Variants in PTPRM observed in about 807,000 individuals in gnomAD.
The protein encoded by PTPRM is receptor-type tyrosine-protein phosphatase mu.
In PTPRM, 47 loss-of-function variants were observed where a neutral mutation model predicts 186.7. The observed-to-expected ratio is 0.25, with a 90% confidence interval of 0.20 to 0.32. The LOEUF is 0.32. Among genes scored for constraint, PTPRM ranks in the 10% least tolerant of loss-of-function variants. The probability of loss-of-function intolerance (pLI) is 1.00; values close to 1 mark genes in which losing one functional copy is unlikely to be tolerated. For synonymous variants in PTPRM, 668 were observed against 674.9 expected (o/e 0.99, Z 0.16); for missense variants, 1,494 against 1,865.0 (o/e 0.80, Z 3.66).
At chr18:8,353,886 C>T (rs1002385573) in intron 23 of PTPRM, among the ~76,000 whole-genome samples, 5 of 152,090 alleles carry the variant, frequency 3.3e-5, no homozygotes, top group Non-Finnish European at 5.9e-5. Flanking sequence ...AAAGACATGG[C>T]ACAAACTATG....
At chr18:8,221,440 AAC>A (rs1366582273) in intron 14 of PTPRM, among the ~76,000 whole-genome samples, 2 of 152,238 alleles carry the variant, frequency 1.3e-5, no homozygotes, top group African/African-American at 2.4e-5. Context: ...AATTAAATTT[AAC>A]AGAGTTTAAT....
In PTPRM at chr18:7,964,998, T is replaced by C. The variant is rs956291412; in HGVS notation, c.1132+9584T>C. Reference sequence around the variant, plus strand: ...GACATGATAAGTGTTTTTGACACTTTTAACTTTTTGGAGGGTTCTGCCCCC... The same window carrying C: ...GACATGATAAGTGTTTTTGACACTTCTAACTTTTTGGAGGGTTCTGCCCCC... On this transcript the variant is annotated intron_variant, in intron 7 of 32. Transcript: ENST00000580170. Among the ~76,000 whole-genome samples, 10 of 152,184 alleles carry C rather than the reference T, an allele frequency of 6.6e-5. No homozygotes were observed. In the East Asian group the frequency reaches 1.2e-3, roughly 18 times the overall value.
rs146377761 is a variant in PTPRM, at chr18:8,078,376, T to C, written c.1551+1812T>C. On this transcript the variant is annotated intron_variant, in intron 9 of 32. Coordinates refer to ENST00000580170, the MANE Select transcript of PTPRM (RefSeq NM_001105244.2). Reference sequence around the variant, plus strand: ...AGTACCTCTCTGGAGAATCACAGACTTCTGAGACAAAATCACGCTAAGGAA... The same window carrying C: ...AGTACCTCTCTGGAGAATCACAGACCTCTGAGACAAAATCACGCTAAGGAA... 3.6e-3 allele frequency among the ~76,000 whole-genome samples: 550 copies of C among 152,308 alleles called. 1 individual carries two copies. The highest frequency in any genetic ancestry group is 0.012 in the African/African-American group (515 of 41,572).
Position 7,659,117 on chromosome 18 carries a change from TACACACACAC to T in PTPRM, c.73+91256_73+91265del, listed in dbSNP as rs10541547. The stretch of plus-strand genomic sequence containing the variant: ...GCAGGTATACACATGCACATGTATG[TACACACACAC>T]ACACACACACACACACACACACACA... On this transcript the variant is annotated intron_variant, in intron 1 of 32. Coordinates refer to ENST00000580170, the MANE Select transcript of PTPRM (RefSeq NM_001105244.2). Among the ~76,000 whole-genome samples, 245 of 144,016 alleles carry T rather than the reference TACACACACAC, an allele frequency of 1.7e-3. 1 individual carries two copies. The highest frequency in any genetic ancestry group is 5.7e-3 in the African/African-American group (221 of 39,008). 94.5% of individuals were successfully genotyped at this position (144,016 alleles called of 152,430 possible).
chr18:7,701,070 C>T (rs534143534), intron 1 of PTPRM, among the ~76,000 whole-genome samples: 1 of 151,198 alleles, frequency 6.6e-6, no homozygotes, highest in African/African-American at 2.4e-5. Flanking sequence ...CTTTGGGAGG[C>T]CTAGGCGGGC....
chr18:7,845,148 A>G (rs1213975013), intron 2 of PTPRM, among the ~76,000 whole-genome samples: 1 of 152,168 alleles, frequency 6.6e-6, no homozygotes, highest in Non-Finnish European at 1.5e-5. Context: ...TTTATAGTGT[A>G]CCCTCAGCTT....
rs560390486 is a variant in PTPRM at position 7,659,987 on chromosome 18, T to C, written c.73+92096T>C. On this transcript the variant is annotated intron_variant, in intron 1 of 32. Coordinates refer to ENST00000580170, the MANE Select transcript of PTPRM (RefSeq NM_001105244.2). ...TTGAAGATTTCCTCTCCATCCAGCC[T>C]TCTGGAGGGTGAAAGTGGACGTGCT... 7.9e-5 allele frequency among the ~76,000 whole-genome samples: 12 copies of C among 152,308 alleles called. No homozygotes were observed. The East Asian group carries it at 2.3e-3, about 29-fold the overall frequency.
At chr18:8,072,042 A>G (rs1250173139) in intron 8 of PTPRM, among the ~76,000 whole-genome samples, 3 of 152,086 alleles carry the variant, frequency 2.0e-5, no homozygotes, top group Non-Finnish European at 4.4e-5. Flanking sequence ...CTCCCTCATT[A>G]TGTTATTTGT....
intron 19 of PTPRM, among the ~76,000 whole-genome samples, chr18:8,279,571 A>C (rs1245810984): frequency 6.6e-6 from 1 of 152,214 alleles, no homozygotes; most frequent in Non-Finnish European, 1.5e-5. Flanking sequence ...CTCTAGGAGC[A>C]GGCCTGTTTT....
At chr18:7,649,050 T>C (rs1039826976) in intron 1 of PTPRM, among the ~76,000 whole-genome samples, 2 of 152,184 alleles carry the variant, frequency 1.3e-5, no homozygotes, top group African/African-American at 2.4e-5. Flanking sequence ...TTGAAGCCAA[T>C]GCTTATTGAC....
At chr18:7,923,203 G>C (rs1028089319) in intron 4 of PTPRM, among the ~76,000 whole-genome samples, 4 of 152,182 alleles carry the variant, frequency 2.6e-5, no homozygotes, top group African/African-American at 9.7e-5. Context: ...CTGAGAAATG[G>C]CTACATACCC....
intron 2 of PTPRM, among the ~76,000 whole-genome samples, chr18:7,821,610 C>T (rs907435896): frequency 6.6e-6 from 1 of 151,840 alleles, no homozygotes; most frequent in Non-Finnish European, 1.5e-5. Context: ...ATAAATTGGG[C>T]ACAGAAAGAG....
At chr18:8,323,161 G>A (rs899045111) in intron 22 of PTPRM, among the ~76,000 whole-genome samples, 1 of 152,092 alleles carries the variant, frequency 6.6e-6, no homozygotes, top group Admixed American at 6.5e-5. Context: ...CTTACCTCAA[G>A]AGTCAGATAA....
At chr18:7,729,891 G>A (rs974131102) in intron 1 of PTPRM, among the ~76,000 whole-genome samples, 23 of 151,990 alleles carry the variant, frequency 1.5e-4, no homozygotes, top group African/African-American at 4.6e-4. Flanking sequence ...TATACATTCC[G>A]TGTTGAAGTT....
chr18:7,889,218 C>T (rs1344556310), intron 3 of PTPRM, among the ~76,000 whole-genome samples: 1 of 151,696 alleles, frequency 6.6e-6, no homozygotes, highest in Non-Finnish European at 1.5e-5. Flanking sequence ...GTAAAAAATA[C>T]AATTCAAAAT....
At chr18:8,181,150 C>T (rs756742686) in intron 14 of PTPRM, among the ~76,000 whole-genome samples, 6 of 152,190 alleles carry the variant, frequency 3.9e-5, no homozygotes, top group East Asian at 1.9e-4. Context: ...TAGCCATGAA[C>T]AAAACAAACA....
intron 11 of PTPRM, among the ~76,000 whole-genome samples, chr18:8,102,319 A>G (rs1262432325): frequency 6.6e-6 from 1 of 152,210 alleles, no homozygotes; most frequent in Non-Finnish European, 1.5e-5. Flanking sequence ...TGCTTTTCGC[A>G]AAAGATTTCT....
intron 19 of PTPRM, among the ~76,000 whole-genome samples, chr18:8,283,808 AG>A (rs2094928365): frequency 6.6e-6 from 1 of 151,602 alleles, no homozygotes; most frequent in Admixed American, 6.6e-5. Flanking sequence ...TTTTTAGTCG[AG>A]GTGGGGTCTC....
chr18:7,981,585 CTG>C (rs530689223), intron 7 of PTPRM, among the ~76,000 whole-genome samples: 174 of 152,304 alleles, frequency 1.1e-3, no homozygotes, highest in African/African-American at 3.9e-3. Flanking sequence ...GGAGGAATGA[CTG>C]TGATGTGACA....
Sources: allele counts gnomAD v4.1 joint callset (sites outside exome capture counted in the v4.1 genomes callset), GRCh38; gene constraint gnomAD v4.1.1; transcripts MANE v1.5; gene names NCBI Gene and HGNC (gene_info 2026-07-23, HGNC 2026-07-21).